The following MVK variants were observed in gnomAD, a reference collection of about 807,000 sequenced individuals.
MVK encodes LH receptor mRNA-binding protein.
A neutral mutation model predicts 43.2 loss-of-function variants in MVK; 34 were observed. The ratio of observed to expected loss-of-function variants is 0.79; its 90% CI spans 0.60 to 1.05. The LOEUF (loss-of-function observed/expected upper bound fraction) is 1.05, where lower values mean the gene tolerates loss of function less well. MVK is among the 50% of genes least tolerant of loss of function. MVK has a pLI of 0.00. For synonymous variants in MVK, 190 were observed against 219.8 expected (o/e 0.86, Z 1.20); for missense variants, 395 against 504.0 (o/e 0.78, Z 2.07).
intron 5 of MVK, among the ~76,000 whole-genome samples, chr12:109,582,316 TTTTGTTTG>T (rs201036800): frequency 3.9e-3 from 149 of 38,014 alleles, no homozygotes; most frequent in African/African-American, 0.016. Flanking sequence ...AGCTTGGTTT[TTTTGTTTG>T]TTTGTTTGTT....
At chr12:109,573,790 G>T (rs964531141), upstream of MVK, 5 of 402,416 alleles carry the variant, frequency 1.2e-5, no homozygotes, top group Admixed American at 7.6e-5. Context: ...CTTGAGGCAC[G>T]GGCGCTCTGG....
chr12:109,578,964 T>A (rs143196560), intron 3 of MVK, among the ~76,000 whole-genome samples: 21 of 152,332 alleles, frequency 1.4e-4, no homozygotes, highest in African/African-American at 1.9e-4. Flanking sequence ...GCATTTACAC[T>A]GTCCTATTCC....
At chr12:109,587,280 G>A (rs1463481428) in intron 7 of MVK, among the ~76,000 whole-genome samples, 1 of 152,178 alleles carries the variant, frequency 6.6e-6, no homozygotes, top group Admixed American at 6.5e-5. Context: ...GCAGAGGCAG[G>A]ATGGAAGCGG....
intron 8 of MVK, 45 bp downstream of exon 8, chr12:109,590,906 C>T (rs1885643296): frequency 5.7e-6 from 9 of 1,584,658 alleles, no homozygotes; most frequent in Non-Finnish European, 7.8e-6. Context: ...AAGGCCAGGA[C>T]ACAATTACAT....
chr12:109,574,678 A>T, intron 1 of MVK, 131 bp from the exon 2 acceptor site: 1 of 774,406 alleles, frequency 1.3e-6, no homozygotes, highest in Non-Finnish European at 2.2e-6. Context: ...CCTTTCTGGT[A>T]CGTAGCAAGT....
chr12:109,592,620 C>T (rs994148251), intron 9 of MVK, among the ~76,000 whole-genome samples: 2 of 152,240 alleles, frequency 1.3e-5, no homozygotes, highest in African/African-American at 2.4e-5. Flanking sequence ...ACACCCACCT[C>T]CCTGTGAAGT....
chr12:109,596,041 C>T (rs1471310464), intron 10 of MVK, among the ~76,000 whole-genome samples: 4 of 152,190 alleles, frequency 2.6e-5, no homozygotes, highest in Admixed American at 6.5e-5. Flanking sequence ...TTGTGCCAGG[C>T]ACTTTACCTG....
chr12:109,590,466 C>T lies in MVK; in HGVS notation c.678-305C>T, dbSNP rs1269152187. ...CCAGAAAAACCTTCTCGGCCCTTCTCCCCTATCCCCTCTCTGGCCCCGGCC... is the reference window on the plus strand; with the variant it reads ...CCAGAAAAACCTTCTCGGCCCTTCTTCCCTATCCCCTCTCTGGCCCCGGCC... On this transcript the variant is annotated intron_variant, in intron 7 of 10. Coordinates refer to ENST00000228510, the MANE Select transcript of MVK (RefSeq NM_000431.4). The T allele has an allele frequency of 8.9e-6, 4 of 447,932 alleles. No homozygotes were observed. The East Asian group carries it at 1.4e-4, about 16-fold the overall frequency. 27.7% of individuals were successfully genotyped at this position (447,932 alleles called of 1,614,324 possible).
At position 109,596,654 on chromosome 12, in the gene MVK, C is replaced by G; in HGVS notation, c.*77C>G. On this transcript the variant is annotated 3_prime_UTR_variant, in exon 11 of 11. Coordinates refer to ENST00000228510, the MANE Select transcript of MVK (RefSeq NM_000431.4). The stretch of plus-strand genomic sequence containing the variant: ...CTGGGGGCTGCAGTTCGACTCTGTG[C>G]TGGCCAGCGAGCGCCCAGCTCCTGA... The G allele has an allele frequency of 6.4e-7, 1 of 1,568,328 alleles. No homozygotes were observed. The highest frequency in any genetic ancestry group is 2.3e-5 in the East Asian group (1 of 43,406).
intron 4 of MVK, among the ~76,000 whole-genome samples, chr12:109,580,517 G>A (rs891952281): frequency 6.6e-6 from 1 of 152,162 alleles, no homozygotes; most frequent in Non-Finnish European, 1.5e-5. Context: ...CAGTGGCCAG[G>A]CTCTATGCTG....
In MVK at chr12:109,593,061, C is replaced by T. The variant is rs534084869; in HGVS notation, c.885+1704C>T. Among the ~76,000 whole-genome samples, 3 of 152,356 alleles carry T rather than the reference C, an allele frequency of 2.0e-5. No individual in the cohort carries two copies. In the East Asian group the frequency reaches 5.8e-4, roughly 29 times the overall value. On this transcript the variant is annotated intron_variant, in intron 9 of 10. Coordinates refer to ENST00000228510, the MANE Select transcript of MVK (RefSeq NM_000431.4). ...CTGGACAGCTTTGCACTCAAACCAG[C>T]GAACTGTTCTCCTGTGTCACAACCT...
intron 6 of MVK, 123 bp downstream of exon 6, chr12:109,586,248 C>T (rs1885427047): frequency 1.2e-6 from 1 of 851,218 alleles, no homozygotes; most frequent in East Asian, 2.7e-5. Flanking sequence ...GAAAAAATAG[C>T]ATTTTCCTAT....
chr12:109,584,236 T>A (rs575896801), intron 5 of MVK, among the ~76,000 whole-genome samples: 1 of 152,340 alleles, frequency 6.6e-6, no homozygotes, highest in East Asian at 1.9e-4. Flanking sequence ...TGTTAACTGA[T>A]GTTAACTCAT....
intron 9 of MVK, among the ~76,000 whole-genome samples, chr12:109,592,779 A>G (rs1348259561): frequency 6.6e-6 from 1 of 152,158 alleles, no homozygotes; most frequent in Non-Finnish European, 1.5e-5. Flanking sequence ...ATGAGCACCT[A>G]CTATGTGCCA....
chr12:109,573,511 G>T (rs778888719), upstream of MVK: 6 of 1,581,088 alleles, frequency 3.8e-6, no homozygotes, highest in South Asian at 4.5e-5. Flanking sequence ...ACCTGACCCC[G>T]CCAGGTTCCC....
At chr12:109,578,524 T>TC (rs1181751501) in intron 3 of MVK, among the ~76,000 whole-genome samples, 3 of 152,174 alleles carry the variant, frequency 2.0e-5, no homozygotes, top group Non-Finnish European at 4.4e-5. Context: ...ATTGTACAGA[T>TC]CTGAAAATTA....
At chr12:109,585,317 G>A (rs1035548696) in intron 5 of MVK, among the ~76,000 whole-genome samples, 1 of 152,188 alleles carries the variant, frequency 6.6e-6, no homozygotes, top group South Asian at 2.1e-4. Context: ...AGGTGTGGAC[G>A]CTTATGCAGA....
intron 3 of MVK, among the ~76,000 whole-genome samples, chr12:109,577,919 G>A (rs1885033330): frequency 6.6e-6 from 1 of 152,194 alleles, no homozygotes; most frequent in Non-Finnish European, 1.5e-5. Context: ...GACCAGAAAT[G>A]TCTCCTGAGA....
At chr12:109,573,789 C>CG (rs980292755), upstream of MVK, 22 of 405,174 alleles carry the variant, frequency 5.4e-5, no homozygotes, top group Non-Finnish European at 9.3e-5. Flanking sequence ...CCTTGAGGCA[C>CG]GGGCGCTCTG....
Sources: gnomAD v4.1 joint callset for allele counts (sites outside exome capture counted in the v4.1 genomes callset) on GRCh38, gnomAD v4.1.1 for gene constraint, MANE v1.5 for transcripts, NCBI Gene and HGNC (gene_info 2026-07-23, HGNC 2026-07-21) for gene names.